VCPIP1: variants seen among roughly 807,000 people sequenced by gnomAD.
VCPIP1 encodes deubiquitinating protein VCPIP1.
VCPIP1 carries 8 observed loss-of-function variants against 85.0 expected under a neutral mutation model. The observed-to-expected ratio is 0.09, with a 90% confidence interval of 0.06 to 0.17. The LOEUF (loss-of-function observed/expected upper bound fraction) is 0.17. VCPIP1 is among the 10% of genes least tolerant of loss of function. The pLI is 1.00. For synonymous variants in VCPIP1, 543 were observed against 544.5 expected (o/e 1.00, Z 0.04); for missense variants, 1,070 against 1,486.3 (o/e 0.72, Z 4.61).
intron 2 of VCPIP1, among the ~76,000 whole-genome samples, chr8:66,636,756 T>A (rs974435394): frequency 6.7e-6 from 1 of 149,646 alleles, no homozygotes; most frequent in South Asian, 2.1e-4. Flanking sequence ...AAAAAAAAAA[T>A]TCAGATAAAT....
At chr8:66,656,509 T>G (rs1811101951) in intron 1 of VCPIP1, among the ~76,000 whole-genome samples, 2 of 152,222 alleles carry the variant, frequency 1.3e-5, no homozygotes, top group Non-Finnish European at 2.9e-5. Flanking sequence ...CTTTAAATAT[T>G]TAAAAAGGCA....
At chr8:66,643,028 A>C (rs1392952936) in intron 2 of VCPIP1, among the ~76,000 whole-genome samples, 2 of 152,254 alleles carry the variant, frequency 1.3e-5, no homozygotes, top group Admixed American at 1.3e-4. Flanking sequence ...AAAGTTTAAA[A>C]GGGATGTAAA....
intron 2 of VCPIP1, among the ~76,000 whole-genome samples, chr8:66,645,371 T>C (rs746559925): frequency 8.6e-5 from 13 of 151,838 alleles, no homozygotes; most frequent in Non-Finnish European, 1.8e-4. Flanking sequence ...TGAGCTGAGA[T>C]TGCACCACTG....
chr8:66,664,843 C>T lies in VCPIP1; in HGVS notation c.2116G>A (p.Glu706Lys). The T allele has an allele frequency of 6.2e-7, 1 of 1,613,928 alleles. No homozygotes were observed. The highest frequency in any genetic ancestry group is 8.5e-7 in the Non-Finnish European group (1 of 1,179,968). Residue 706 changes from glutamate (E) to lysine (K), a missense_variant, in exon 1 of 3, where the codon GAG becomes AAG. Physicochemically the swap from Glu to Lys is moderately conservative, Grantham distance 56 (BLOSUM62 1). This residue lies in a region of VCPIP1 where 278 missense variants were observed against 298.5 expected (regional missense o/e 0.93). Coordinates refer to ENST00000310421, the MANE Select transcript of VCPIP1 (RefSeq NM_025054.5). ...CTTTCAGTTTTACTCATGTTTAACT[C>T]CTCCTTGTGCAAAGTTTTTGTTTTC... Reference protein sequence around the residue: ...GQKTKTLHKEELNMSKTERTI... With the variant: ...GQKTKTLHKEKLNMSKTERTI...
chr8:66,659,135 G>C (rs1018347343), intron 1 of VCPIP1, among the ~76,000 whole-genome samples: 10 of 151,378 alleles, frequency 6.6e-5, no homozygotes, highest in Non-Finnish European at 1.3e-4. Flanking sequence ...TATTTATGGT[G>C]GATAATGTAC....
In VCPIP1 at chr8:66,665,239, A is replaced by C; in HGVS notation, c.1720T>G (p.Cys574Gly). 1 of 1,614,172 alleles carries C rather than the reference A, an allele frequency of 6.2e-7. No homozygotes were observed. Among genetic ancestry groups the C allele is most frequent in the Non-Finnish European group, 8.5e-7 (1 of 1,180,026 alleles). The change falls in exon 1 of 3, where the codon TGT (cysteine) becomes GGT (glycine). Residue 574 changes from cysteine to glycine, a missense_variant. This residue lies in a region of VCPIP1 where 123 missense variants were observed against 156.3 expected (regional missense o/e 0.79). Coordinates refer to ENST00000310421, the MANE Select transcript of VCPIP1 (RefSeq NM_025054.5). The surrounding 1 kb of genome is among the most constrained non-coding windows in gnomAD (Gnocchi z 4.3). ...CCATCCCAAAAGTGTTTGAATCCAC[A>C]ACCACATTTGCCACCAGTGGACCTA... Reference protein sequence around the residue: ...NSRSTGGKCGCGFKHFWDGKE... With the variant: ...NSRSTGGKCGGGFKHFWDGKE...
At chr8:66,652,224 A>C (rs1053776718) in intron 1 of VCPIP1, among the ~76,000 whole-genome samples, 1 of 152,204 alleles carries the variant, frequency 6.6e-6, no homozygotes, top group Non-Finnish European at 1.5e-5. Context: ...AAGATAGTCA[A>C]TATTATGATG....
At chr8:66,659,940 A>G (rs1811140209) in intron 1 of VCPIP1, among the ~76,000 whole-genome samples, 1 of 152,158 alleles carries the variant, frequency 6.6e-6, no homozygotes, top group Non-Finnish European at 1.5e-5. Flanking sequence ...GAAAGAAAAT[A>G]TACAATCCCC....
chr8:66,664,396 C>T lies in VCPIP1; in HGVS notation c.2563G>A (p.Ala855Thr), dbSNP rs1190772424. 2.5e-6 allele frequency: 4 copies of T among 1,613,810 alleles called. No homozygotes were observed. The highest frequency in any genetic ancestry group is 3.4e-6 in the Non-Finnish European group (4 of 1,179,712). The part of the protein sequence containing the change: ...RITIEILKSK[A>T]EGGQSAAAHS... ...GCTGCAGCAGACTGACCACCTTCAG[C>T]TTTACTTTTTAGAATTTCTATTGTA... The change falls in exon 1 of 3, where the codon GCT becomes ACT. Residue 855 changes from alanine (A) to threonine (T), a missense_variant. Coordinates refer to ENST00000310421, the MANE Select transcript of VCPIP1 (RefSeq NM_025054.5).
intron 2 of VCPIP1, among the ~76,000 whole-genome samples, chr8:66,636,936 A>C (rs552241281): frequency 6.6e-6 from 1 of 152,320 alleles, no homozygotes; most frequent in African/African-American, 2.4e-5. Flanking sequence ...GCAGGAAACA[A>C]ATATAAGTAC....
Position 66,665,441 on chromosome 8 carries a change from T to G in VCPIP1, c.1518A>C (p.Lys506Asn). The change falls in exon 1 of 3, where the codon AAA (lysine) becomes AAC (asparagine). Residue 506 changes from lysine (K) to asparagine (N), a missense_variant. Lys to Asn is a moderately conservative substitution (Grantham distance 94). Transcript: ENST00000310421. The surrounding 1 kb of genome is among the most constrained non-coding windows in gnomAD (Gnocchi z 4.3). ...AATTGTTCAAGGGAAAGCTGTAATTTTTGTCAGTCCTCAGCTGTCCATGAG... is the reference window on the plus strand; with the variant it reads ...AATTGTTCAAGGGAAAGCTGTAATTGTTGTCAGTCCTCAGCTGTCCATGAG... The part of the protein sequence containing the change: ...KSTHGQLRTD[K>N]NYSFPLNNLV... 1 of 1,614,214 alleles carries G rather than the reference T, an allele frequency of 6.2e-7. No individual in the cohort carries two copies.
In VCPIP1 at chr8:66,666,885, G is replaced by A. The variant is rs757230771; in HGVS notation, c.74C>T (p.Ser25Leu). The A allele has an allele frequency of 1.2e-6, 2 of 1,612,588 alleles. No individual in the cohort carries two copies. Among genetic ancestry groups the A allele is most frequent in the East Asian group, 2.2e-5 (1 of 44,876 alleles). The change falls in exon 1 of 3, where the codon TCG (serine) becomes TTG (leucine). Residue 25 changes from serine (S) to leucine (L), a missense_variant. This residue lies in a region of VCPIP1 where 164 missense variants were observed against 158.6 expected (regional missense o/e 1.03). Transcript: ENST00000310421. This position sits in a 1 kb window ranked among gnomAD's most constrained non-coding sequence, Gnocchi z 6.3. Reference sequence around the variant, plus strand: ...CGAAGCAGCCGCCGACGCCAAGGACGACGGAGTCTGTGGAGCCTCAGGGGG... The same window carrying A: ...CGAAGCAGCCGCCGACGCCAAGGACAACGGAGTCTGTGGAGCCTCAGGGGG... ...PPPPEAPQTPSSLASAAASGG... is the reference protein window; with the variant it reads ...PPPPEAPQTPLSLASAAASGG...
Position 66,651,972 on chromosome 8 carries a change from G to A in VCPIP1, c.2711-428C>T, listed in dbSNP as rs569713238. The stretch of plus-strand genomic sequence containing the variant: ...TGGATAGCCTGAGTTCAGGAGTTCC[G>A]ATACCAGCTTTGGCAACATGGCGAA... On this transcript the variant is annotated intron_variant, in intron 1 of 2. Coordinates refer to ENST00000310421, the MANE Select transcript of VCPIP1 (RefSeq NM_025054.5). Among the ~76,000 whole-genome samples, 23 of 145,108 alleles carry A rather than the reference G, an allele frequency of 1.6e-4. No individual in the cohort carries two copies. In the South Asian group the frequency reaches 2.6e-3, roughly 16 times the overall value.
intron 1 of VCPIP1, among the ~76,000 whole-genome samples, chr8:66,658,055 G>T (rs1370453346): frequency 6.6e-6 from 1 of 152,160 alleles, no homozygotes; most frequent in Non-Finnish European, 1.5e-5. Context: ...ATAATATGCA[G>T]CCAGACACGG....
intron 1 of VCPIP1, among the ~76,000 whole-genome samples, chr8:66,661,952 A>G (rs1444833700): frequency 6.6e-6 from 1 of 150,946 alleles, no homozygotes; most frequent in Non-Finnish European, 1.5e-5. Context: ...TATTTTTAGT[A>G]GAAACAGGGT....
chr8:66,635,414 G>A (rs775911222), intron 2 of VCPIP1, 42 bp from the exon 3 acceptor site: 19 of 1,510,432 alleles, frequency 1.3e-5, no homozygotes, highest in Non-Finnish European at 1.7e-5. Flanking sequence ...AAATCTTAAG[G>A]TATTAATAAA....
intron 2 of VCPIP1, among the ~76,000 whole-genome samples, chr8:66,641,604 T>C (rs1005323821): frequency 2.0e-5 from 3 of 152,196 alleles, no homozygotes; most frequent in Non-Finnish European, 4.4e-5. Context: ...ACCTTAGCAG[T>C]CATTCCCTCT....
intron 1 of VCPIP1, among the ~76,000 whole-genome samples, chr8:66,657,339 G>C (rs374846455): frequency 4.6e-5 from 7 of 152,224 alleles, no homozygotes; most frequent in East Asian, 3.9e-4. Flanking sequence ...TTAATAATTT[G>C]AATAAATGGT....
chr8:66,653,827 A>T (rs1811074785), intron 1 of VCPIP1, among the ~76,000 whole-genome samples: 1 of 152,180 alleles, frequency 6.6e-6, no homozygotes, highest in African/African-American at 2.4e-5. Context: ...TTACACAGAT[A>T]TACCTTATAT....
Sources: allele counts gnomAD v4.1 joint callset (sites outside exome capture counted in the v4.1 genomes callset), GRCh38; gene constraint gnomAD v4.1.1; regional missense constraint gnomAD v4.1.1; non-coding constraint Gnocchi (gnomAD v3.1); transcripts MANE v1.5; gene names NCBI Gene and HGNC (gene_info 2026-07-23, HGNC 2026-07-21).